The following NDST3 variants were observed in gnomAD, a reference collection of about 807,000 sequenced individuals.
NDST3 encodes the protein N-deacetylase and N-sulfotransferase 3.
Under a neutral mutation model 96.1 loss-of-function variants are expected in NDST3, and 58 were observed. That is an observed-to-expected ratio of 0.60 (90% confidence interval 0.49 to 0.75). The LOEUF is 0.75. Among genes scored for constraint, NDST3 ranks in the 30% least tolerant of loss-of-function variants. The pLI, the probability that NDST3 is intolerant of heterozygous loss-of-function variation, is 0.00. For synonymous variants in NDST3, 333 were observed against 359.7 expected, an observed-to-expected ratio of 0.93 and a Z score of 0.84; for missense variants, 788 against 1,034.2, an observed-to-expected ratio of 0.76 and a Z score of 3.27.
Position 118,240,662 on chromosome 4 carries a change from G to A in NDST3, c.2257G>A (p.Glu753Lys), listed in dbSNP as rs775212321. The change falls in exon 11 of 14, where the codon GAG becomes AAG. Residue 753 changes from glutamate (E) to lysine (K), a missense_variant. Physicochemically the swap from Glu to Lys is moderately conservative, Grantham distance 56 (BLOSUM62 1). Transcript: ENST00000296499. ...CCCGGGGTGGTATGCCAGCCACATC[G>A]AGAGATGGCTTGTTTATTTCCCCCC... ...LVPGWYASHI[E>K]RWLVYFPPFQ... 3.3e-5 allele frequency: 54 copies of A among 1,613,516 alleles called. No homozygotes were observed. The highest frequency in any genetic ancestry group is 4.2e-5 in the Non-Finnish European group (49 of 1,179,772).
In NDST3 at chr4:118,242,097, G is replaced by A. The variant is rs770241006; in HGVS notation, c.2347G>A (p.Val783Ile). The change falls in exon 12 of 14, where the codon GTA becomes ATA. Residue 783 changes from valine (V) to isoleucine (I), a missense_variant. By Grantham distance (29) the Val-to-Ile change is conservative. Coordinates refer to ENST00000296499, the MANE Select transcript of NDST3 (RefSeq NM_004784.3). ...TGATCCTGCTACAGTGATGGATGAAGTACAGAAGTTTCTAGGAGTCTTGCC... is the reference window on the plus strand; with the variant it reads ...TGATCCTGCTACAGTGATGGATGAAATACAGAAGTTTCTAGGAGTCTTGCC... ...RTDPATVMDE[V>I]QKFLGVLPHY... The A allele has an allele frequency of 1.9e-6, 3 of 1,613,142 alleles. No homozygotes were observed. Among genetic ancestry groups the A allele is most frequent in the East Asian group, 4.5e-5 (2 of 44,804 alleles).
rs1332152824 is a variant in NDST3, at chr4:118,172,546, A to G, written c.1539+28862A>G. On this transcript the variant is annotated intron_variant, in intron 6 of 13. Coordinates refer to ENST00000296499, the MANE Select transcript of NDST3 (RefSeq NM_004784.3). Reference sequence around the variant, plus strand: ...ATATGTATAAAAAGAATACAAAATTATACATAAATGGCAAAGTTTTAAAAC... The same window carrying G: ...ATATGTATAAAAAGAATACAAAATTGTACATAAATGGCAAAGTTTTAAAAC... Among the ~76,000 whole-genome samples, 3 of 152,232 alleles carry G rather than the reference A, an allele frequency of 2.0e-5. No individual in the cohort carries two copies. The East Asian group carries it at 5.8e-4, about 29-fold the overall frequency.
intron 1 of NDST3, among the ~76,000 whole-genome samples, chr4:118,053,003 A>T (rs1008411404): frequency 3.3e-5 from 5 of 152,028 alleles, no homozygotes; most frequent in Non-Finnish European, 7.4e-5. Context: ...AAGCGGAAAT[A>T]GAATGGTATA....
chr4:118,064,489 T>C (rs1369617893), intron 2 of NDST3, among the ~76,000 whole-genome samples: 2 of 152,094 alleles, frequency 1.3e-5, no homozygotes, highest in South Asian at 2.1e-4. Context: ...AAACTGTTTA[T>C]AACCAAAGAA....
At chr4:118,172,454 T>C (rs1471802579) in intron 6 of NDST3, among the ~76,000 whole-genome samples, 2 of 152,232 alleles carry the variant, frequency 1.3e-5, no homozygotes, top group East Asian at 1.9e-4. Context: ...ATTCACTTTA[T>C]AGATGATTGT....
intron 6 of NDST3, among the ~76,000 whole-genome samples, chr4:118,158,363 G>C (rs956993573): frequency 6.6e-6 from 1 of 152,138 alleles, no homozygotes; most frequent in African/African-American, 2.4e-5. Context: ...TAACAAGCTT[G>C]TATTAAACAG....
At chr4:118,178,486 T>C (rs1201811768) in intron 6 of NDST3, among the ~76,000 whole-genome samples, 1 of 152,110 alleles carries the variant, frequency 6.6e-6, no homozygotes, top group African/African-American at 2.4e-5. Context: ...TCAAGGTTCA[T>C]TGATGTTATC....
intron 4 of NDST3, among the ~76,000 whole-genome samples, chr4:118,124,084 C>A (rs767954861): frequency 1.3e-5 from 2 of 152,042 alleles, no homozygotes; most frequent in African/African-American, 2.4e-5. Context: ...GGGGTTTTTG[C>A]TTATGTTATT....
chr4:118,244,833 T>C (rs1741215196), intron 12 of NDST3, among the ~76,000 whole-genome samples: 1 of 152,192 alleles, frequency 6.6e-6, no homozygotes, highest in South Asian at 2.1e-4. Flanking sequence ...CTGAAGAATC[T>C]GTGATGTCTT....
chr4:118,135,893 A>C (rs1320762145), intron 4 of NDST3, among the ~76,000 whole-genome samples: 1 of 152,200 alleles, frequency 6.6e-6, no homozygotes, highest in Non-Finnish European at 1.5e-5. Context: ...TTAACTAATT[A>C]ATTAAAAATT....
intron 2 of NDST3, among the ~76,000 whole-genome samples, chr4:118,066,129 TTATATAA>T (rs1215993636): frequency 4.5e-5 from 2 of 44,750 alleles, no homozygotes; most frequent in African/African-American, 6.0e-5. Flanking sequence ...ATTATATATA[TTATATAA>T]TATATTTTAT....
In NDST3 at chr4:118,159,879, T is replaced by C. The variant is rs114047379; in HGVS notation, c.1539+16195T>C. 7.6e-3 allele frequency among the ~76,000 whole-genome samples: 1,154 copies of C among 152,094 alleles called. 5 individuals are homozygous for C. Among genetic ancestry groups the C allele is most frequent in the Non-Finnish European group, 0.013 (876 of 67,980 alleles). ...AAATTGCCCAGGGAGCAAAATAAAATAAAACAAAATAAACAGTGAAGAAAG... is the reference window on the plus strand; with the variant it reads ...AAATTGCCCAGGGAGCAAAATAAAACAAAACAAAATAAACAGTGAAGAAAG... On this transcript the variant is annotated intron_variant, in intron 6 of 13. Transcript: ENST00000296499.
intron 6 of NDST3, among the ~76,000 whole-genome samples, chr4:118,201,038 T>C (rs1738045951): frequency 1.3e-5 from 2 of 152,198 alleles, no homozygotes; most frequent in Admixed American, 1.3e-4. Flanking sequence ...ACATGCAGTT[T>C]TGAATTTTCT....
intron 1 of NDST3, among the ~76,000 whole-genome samples, chr4:118,052,608 G>C (rs1725142919): frequency 1.3e-5 from 2 of 151,856 alleles, no homozygotes; most frequent in Admixed American, 1.3e-4. Flanking sequence ...CATTATTTTG[G>C]ATTTGACTAG....
chr4:118,084,202 G>C (rs1379536346), intron 2 of NDST3, among the ~76,000 whole-genome samples: 5 of 151,762 alleles, frequency 3.3e-5, no homozygotes, highest in Admixed American at 6.6e-5. Context: ...TAAATGAGTA[G>C]GTTTTAGCTA....
chr4:118,172,258 G>A (rs1422059072), intron 6 of NDST3, among the ~76,000 whole-genome samples: 1 of 152,164 alleles, frequency 6.6e-6, no homozygotes, highest in Non-Finnish European at 1.5e-5. Context: ...GGGATTCTGA[G>A]ATTGCTGTTT....
intron 6 of NDST3, among the ~76,000 whole-genome samples, chr4:118,146,019 A>G (rs976509291): frequency 1.3e-4 from 20 of 152,238 alleles, no homozygotes; most frequent in Non-Finnish European, 5.9e-5. Flanking sequence ...TGGAGAACAG[A>G]GTAAGGAGTA....
intron 3 of NDST3, among the ~76,000 whole-genome samples, chr4:118,107,857 T>C (rs1730325909): frequency 6.6e-6 from 1 of 152,218 alleles, no homozygotes; most frequent in Non-Finnish European, 1.5e-5. Flanking sequence ...GAATTCATAA[T>C]AAACTGATAG....
intron 2 of NDST3, among the ~76,000 whole-genome samples, chr4:118,104,273 C>T (rs1352829683): frequency 6.6e-6 from 1 of 151,778 alleles, no homozygotes; most frequent in Non-Finnish European, 1.5e-5. Context: ...CACTCAACTA[C>T]CGTGTGTGTG....
Sources: allele counts gnomAD v4.1 joint callset (sites outside exome capture counted in the v4.1 genomes callset), GRCh38; gene constraint gnomAD v4.1.1; transcripts MANE v1.5; gene names NCBI Gene and HGNC (gene_info 2026-07-23, HGNC 2026-07-21).